The following DNAI7 variants were observed in gnomAD, a reference collection of about 807,000 sequenced individuals.
The protein encoded by DNAI7 is cancer susceptibility 1.
In DNAI7, 78 loss-of-function variants were observed where a neutral mutation model predicts 86.6. The observed-to-expected ratio is 0.90, with a 90% CI of 0.75 to 1.09. DNAI7 has a LOEUF of 1.09. Among genes scored for constraint, DNAI7 ranks in the 50% least tolerant of loss-of-function variants. DNAI7 has a pLI of 0.00. For synonymous variants in DNAI7, 274 were observed against 273.0 expected, an observed-to-expected ratio of 1.00 and a Z score of -0.04; for missense variants, 753 against 810.2, an observed-to-expected ratio of 0.93 and a Z score of 0.86.
Position 25,108,700 on chromosome 12 carries a change from T to C in DNAI7, c.2017A>G (p.Lys673Glu), listed in dbSNP as rs771633689. 1 of 1,612,508 alleles carries C rather than the reference T, an allele frequency of 6.2e-7. No homozygotes were observed. Among genetic ancestry groups the C allele is most frequent in the Non-Finnish European group, 8.5e-7 (1 of 1,179,010 alleles). The change falls in exon 16 of 16, where the codon AAA becomes GAA. Residue 673 changes from lysine to glutamate, a missense_variant. By Grantham distance (56) the Lys-to-Glu change is moderately conservative (BLOSUM62 1). Transcript: ENST00000395987. Reference protein sequence around the residue: ...EESEAFSEALKEETEFHSTLY... With the variant: ...EESEAFSEALEEETEFHSTLY... ...GTAGAATGAAACTCAGTTTCTTCTT[T>C]AAGTGCTTCAGAAAATGCCTCACTC...
chr12:25,172,239 AAG>A (rs1401674805), intron 2 of DNAI7, among the ~76,000 whole-genome samples: 1 of 152,140 alleles, frequency 6.6e-6, no homozygotes, highest in Non-Finnish European at 1.5e-5. Flanking sequence ...GAATTGATAA[AAG>A]AACTTAGCAG....
intron 9 of DNAI7, among the ~76,000 whole-genome samples, chr12:25,127,540 A>G (rs1448846792): frequency 6.6e-6 from 1 of 152,200 alleles, no homozygotes; most frequent in Non-Finnish European, 1.5e-5. Flanking sequence ...CAATAGATTT[A>G]AAGTAAATAA....
intron 2 of DNAI7, among the ~76,000 whole-genome samples, chr12:25,189,396 T>A (rs1400651811): frequency 6.6e-6 from 1 of 152,174 alleles, no homozygotes; most frequent in East Asian, 1.9e-4. Flanking sequence ...ATCCTAGCAC[T>A]CTGGGAGGCT....
chr12:25,139,064 G>A (rs1027251000), intron 9 of DNAI7, among the ~76,000 whole-genome samples: 11 of 151,886 alleles, frequency 7.2e-5, no homozygotes, highest in Admixed American at 2.0e-4. Flanking sequence ...GATCATTCAA[G>A]GCTACTATGA....
chr12:25,120,317 G>GGAGAGAGAGAGAGAGGGAGAGAGA (rs1941030528), intron 11 of DNAI7, among the ~76,000 whole-genome samples: 1 of 80,766 alleles, frequency 1.2e-5, no homozygotes, highest in Non-Finnish European at 2.8e-5. Flanking sequence ...GCAGGAAGAG[G>GGAGAGAGAGAGAGAGGGAGAGAGA]GAGAGAGAGA....
chr12:25,184,248 G>T (rs957330378), intron 2 of DNAI7, among the ~76,000 whole-genome samples: 5 of 152,128 alleles, frequency 3.3e-5, no homozygotes, highest in Non-Finnish European at 4.4e-5. Context: ...CCCCGAAATA[G>T]AAATCTTATA....
chr12:25,174,226 T>C (rs1220423408), intron 2 of DNAI7, among the ~76,000 whole-genome samples: 1 of 147,732 alleles, frequency 6.8e-6, no homozygotes, highest in Non-Finnish European at 1.5e-5. Flanking sequence ...TCTCTCACGT[T>C]GTGGGTTGTC....
chr12:25,125,935 A>T (rs1942069922), intron 9 of DNAI7, among the ~76,000 whole-genome samples: 1 of 151,908 alleles, frequency 6.6e-6, no homozygotes, highest in African/African-American at 2.4e-5. Flanking sequence ...GTGTGGCCTT[A>T]TTTCTGGTCT....
chr12:25,168,047 C>T (rs935025206), intron 2 of DNAI7, among the ~76,000 whole-genome samples: 6 of 152,086 alleles, frequency 3.9e-5, no homozygotes, highest in African/African-American at 1.4e-4. Flanking sequence ...TCTCACACAC[C>T]ATGAAAATCG....
intron 2 of DNAI7, among the ~76,000 whole-genome samples, chr12:25,179,585 T>C (rs1051417428): frequency 6.6e-6 from 1 of 152,100 alleles, no homozygotes; most frequent in Non-Finnish European, 1.5e-5. Context: ...TTAGATTTCC[T>C]TGGCTAATCA....
rs117387673 is a variant in DNAI7 at position 25,149,348 on chromosome 12, G to A, written c.585+280C>T. On this transcript the variant is annotated intron_variant, in intron 7 of 15. Coordinates refer to ENST00000395987, the MANE Select transcript of DNAI7 (RefSeq NM_018272.5). ...AATCCCAGTACTTTGGGAGGCCAAGGAAGAAAGACTGTTTGTGTCCAGAAG... is the reference window on the plus strand; with the variant it reads ...AATCCCAGTACTTTGGGAGGCCAAGAAAGAAAGACTGTTTGTGTCCAGAAG... 6.5e-4 allele frequency among the ~76,000 whole-genome samples: 99 copies of A among 152,236 alleles called. 2 individuals carry two copies. In the East Asian group the frequency reaches 0.018, roughly 28 times the overall value.
In DNAI7 at chr12:25,119,305, T is replaced by C. The variant is rs755162771; in HGVS notation, c.1240-4A>G. The C allele has an allele frequency of 8.8e-6, 14 of 1,596,452 alleles. No homozygotes were observed. In the Admixed American group the frequency reaches 1.4e-4, roughly 16 times the overall value. On this transcript the variant is annotated splice_region_variant and splice_polypyrimidine_tract_variant and intron_variant, in intron 11 of 15. Transcript: ENST00000395987. ...TCTGTAATCCTTCTTTGAGTATCTT[T>C]TTAAAATGACCAAAACAACATCAAG...
rs1334923098 is a variant in DNAI7, at chr12:25,108,310, G to GAAAT, written c.*234_*237dup. ...TATATATTGTTTGTTAAAGTTTATT[G>GAAAT]AAATAAAGAATCATTTAAATCTTCA... is the stretch of plus-strand genomic sequence containing the variant. On this transcript the variant is annotated 3_prime_UTR_variant, in exon 16 of 16. Coordinates refer to ENST00000395987, the MANE Select transcript of DNAI7 (RefSeq NM_018272.5). 2 of 541,312 alleles carry GAAAT rather than the reference G, an allele frequency of 3.7e-6. No individual in the cohort carries two copies. The highest frequency in any genetic ancestry group is 1.9e-5 in the African/African-American group (1 of 52,324). The allele number at this position is 541,312 out of a possible 1,614,324, so 33.5% of individuals were successfully genotyped here.
chr12:25,164,800 T>C (rs61910899), intron 2 of DNAI7, among the ~76,000 whole-genome samples: 34,321 of 151,620 alleles, frequency 0.23, 4,680 homozygotes, highest in Non-Finnish European at 0.31. Context: ...CCCATCTGAC[T>C]TCTCCCCTCC....
At chr12:25,157,058 G>T (rs1946258337) in intron 4 of DNAI7, among the ~76,000 whole-genome samples, 1 of 152,136 alleles carries the variant, frequency 6.6e-6, no homozygotes, top group South Asian at 2.1e-4. Context: ...GGAGGCCGAG[G>T]CGGGTGGATC....
intron 2 of DNAI7, among the ~76,000 whole-genome samples, chr12:25,185,403 T>C (rs1461706925): frequency 6.6e-6 from 1 of 152,254 alleles, no homozygotes; most frequent in Non-Finnish European, 1.5e-5. Flanking sequence ...GATAATTTTT[T>C]TATCATATCA....
intron 2 of DNAI7, among the ~76,000 whole-genome samples, chr12:25,165,959 G>A (rs1947414446): frequency 6.6e-6 from 1 of 152,048 alleles, no homozygotes; most frequent in African/African-American, 2.4e-5. Flanking sequence ...CTGGGCTACA[G>A]CCACACCTCA....
intron 9 of DNAI7, among the ~76,000 whole-genome samples, chr12:25,125,111 T>C (rs757936397): frequency 2.6e-5 from 4 of 152,210 alleles, no homozygotes; most frequent in Non-Finnish European, 5.9e-5. Context: ...GTAGAATGAT[T>C]TATATTCCTC....
chr12:25,118,855 T>C (rs4963849), intron 12 of DNAI7, among the ~76,000 whole-genome samples: 103,937 of 152,050 alleles, frequency 0.68, 39,587 homozygotes, highest in East Asian at 0.99. Context: ...GCATGAGCCA[T>C]CGTGCCCAGT....
Sources: allele counts gnomAD v4.1 joint callset (sites outside exome capture counted in the v4.1 genomes callset), GRCh38; gene constraint gnomAD v4.1.1; transcripts MANE v1.5; gene names NCBI Gene and HGNC (gene_info 2026-07-23, HGNC 2026-07-21).